PARPBP: variants seen among roughly 807,000 people sequenced by gnomAD.
PARPBP encodes PARP1 binding protein.
Under a neutral mutation model 50.0 loss-of-function variants are expected in PARPBP, and 52 were observed. That is an observed-to-expected ratio of 1.04 (90% CI 0.83 to 1.31). The LOEUF (loss-of-function observed/expected upper bound fraction) is 1.31, where lower values mean the gene tolerates loss of function less well. Ranked by LOEUF, PARPBP falls within the 50% of genes most tolerant of loss-of-function variation. The probability of loss-of-function intolerance (pLI) is 0.00; values close to 1 mark genes in which losing one functional copy is unlikely to be tolerated. For missense variants in PARPBP, 697 were observed against 672.0 expected (o/e 1.04, Z -0.41); for synonymous variants, 244 against 232.1 (o/e 1.05, Z -0.47).
intron 9 of PARPBP, among the ~76,000 whole-genome samples, chr12:102,183,304 A>G (rs988165748): frequency 6.6e-6 from 1 of 152,168 alleles, no homozygotes; most frequent in African/African-American, 2.4e-5. Context: ...AGATTTTTAT[A>G]TAAAATTTAT....
chr12:102,121,636 T>G (rs1881121040), intron 1 of PARPBP, among the ~76,000 whole-genome samples: 1 of 146,962 alleles, frequency 6.8e-6, no homozygotes, highest in East Asian at 2.1e-4. Flanking sequence ...TCACTGCAAC[T>G]TCCGCCTCCC....
At chr12:102,142,493 C>T (rs774426197) in intron 2 of PARPBP, among the ~76,000 whole-genome samples, 9 of 152,204 alleles carry the variant, frequency 5.9e-5, no homozygotes, top group African/African-American at 1.7e-4. Flanking sequence ...TCTCTCAACT[C>T]GTCAAAGTCA....
At position 102,165,812 on chromosome 12, in the gene PARPBP, A is replaced by G. The variant is rs1326477633; in HGVS notation, c.750A>G (p.Val250=). 7 of 1,589,604 alleles carry G rather than the reference A, an allele frequency of 4.4e-6. No individual in the cohort carries two copies. The highest frequency in any genetic ancestry group is 5.2e-6 in the Non-Finnish European group (6 of 1,158,200). The part of the protein sequence containing the change: ...PPPSDPLRTH[V]KGLSNFINFI... Reference sequence around the variant, plus strand: ...CATCAGATCCTTTAAGGACACATGTAAAGGGATTGTCTAATTTTATTAATT... The same window carrying G: ...CATCAGATCCTTTAAGGACACATGTGAAGGGATTGTCTAATTTTATTAATT... Residue 250 remains valine (V), a synonymous_variant, in exon 6 of 11, where the codon GTA becomes GTG. Transcript: ENST00000327680.
intron 2 of PARPBP, among the ~76,000 whole-genome samples, chr12:102,125,959 C>G (rs970193900): frequency 1.3e-5 from 2 of 152,158 alleles, no homozygotes; most frequent in Non-Finnish European, 2.9e-5. Flanking sequence ...TTATTCTCCC[C>G]TACCTCAACA....
intron 6 of PARPBP, among the ~76,000 whole-genome samples, chr12:102,168,391 T>C (rs972665815): frequency 6.6e-6 from 1 of 152,152 alleles, no homozygotes; most frequent in Non-Finnish European, 1.5e-5. Context: ...AATAAGGAAG[T>C]ATCTTCTAGA....
At chr12:102,139,726 A>T (rs1024893576) in intron 2 of PARPBP, among the ~76,000 whole-genome samples, 1 of 152,204 alleles carries the variant, frequency 6.6e-6, no homozygotes, top group Admixed American at 6.5e-5. Context: ...CCTTTTCTGC[A>T]TCTGTTGAGA....
At chr12:102,133,782 A>G (rs1348720798) in intron 2 of PARPBP, among the ~76,000 whole-genome samples, 1 of 152,188 alleles carries the variant, frequency 6.6e-6, no homozygotes. Flanking sequence ...TTGAAATCAT[A>G]CTGAGTATCT....
chr12:102,140,270 T>C (rs1007684416), intron 2 of PARPBP, among the ~76,000 whole-genome samples: 2 of 152,246 alleles, frequency 1.3e-5, no homozygotes, highest in African/African-American at 2.4e-5. Flanking sequence ...TTCATTTGCA[T>C]AGAGGTGTTT....
intron 8 of PARPBP, among the ~76,000 whole-genome samples, chr12:102,181,070 G>T (rs1399655041): frequency 2.0e-5 from 3 of 152,032 alleles, no homozygotes; most frequent in Non-Finnish European, 4.4e-5. Context: ...TACCTTCTCT[G>T]ACCCTCCTAT....
intron 2 of PARPBP, among the ~76,000 whole-genome samples, chr12:102,146,618 A>G (rs1885393110): frequency 6.6e-6 from 1 of 152,236 alleles, no homozygotes; most frequent in Non-Finnish European, 1.5e-5. Flanking sequence ...AAAACCCTAG[A>G]AGAAAACCTA....
intron 3 of PARPBP, among the ~76,000 whole-genome samples, chr12:102,152,689 G>A (rs1015290765): frequency 1.3e-5 from 2 of 151,842 alleles, no homozygotes; most frequent in African/African-American, 4.8e-5. Context: ...TAAAAAAGCA[G>A]ACTTTCCTTT....
At position 102,151,589 on chromosome 12, in the gene PARPBP, C is replaced by G. The variant is rs747919186; in HGVS notation, c.388-2280C>G. On this transcript the variant is annotated intron_variant, in intron 3 of 10. Transcript: ENST00000327680. ...TGGCAGGGGTCAACTATACAGCCACCTTCAGAAAGAGGAAGCTTGCTGCTG... is the reference window on the plus strand; with the variant it reads ...TGGCAGGGGTCAACTATACAGCCACGTTCAGAAAGAGGAAGCTTGCTGCTG... 2.5e-5 allele frequency: 38 copies of G among 1,535,472 alleles called. No homozygotes were observed. The African/African-American group carries it at 5.1e-4, about 20-fold the overall frequency.
At position 102,176,746 on chromosome 12, in the gene PARPBP, G is replaced by A. The variant is rs191713346; in HGVS notation, c.1005+1080G>A. Among the ~76,000 whole-genome samples the A allele has an allele frequency of 5.5e-4, 83 of 152,124 alleles. 1 individual carries two copies. Among genetic ancestry groups the A allele is most frequent in the Admixed American group, 5.9e-4 (9 of 15,284 alleles). On this transcript the variant is annotated intron_variant, in intron 7 of 10. Transcript: ENST00000327680. ...AATTTTTATTATTTATCATTCATTCGTTCATTCATTTACTCACAGCACTCT... is the reference window on the plus strand; with the variant it reads ...AATTTTTATTATTTATCATTCATTCATTCATTCATTTACTCACAGCACTCT...
In PARPBP at chr12:102,196,789, C is replaced by G. The variant is rs1891349667; in HGVS notation, c.*498C>G. 8.4e-7 allele frequency: 1 copy of G among 1,183,634 alleles called. No individual in the cohort carries two copies. The highest frequency in any genetic ancestry group is 1.8e-5 in the Admixed American group (1 of 54,282). 73.3% of individuals were successfully genotyped at this position (1,183,634 alleles called of 1,614,324 possible). ...GAAAAAAAGAATGGATCTAGTATAA[C>G]TAATTCTGAGTAAACCAAAATGATA... On this transcript the variant is annotated 3_prime_UTR_variant, in exon 11 of 11. Transcript: ENST00000327680.
Position 102,178,787 on chromosome 12 carries a change from T to TTATA in PARPBP, c.1184+19_1184+22dup. On this transcript the variant is annotated intron_variant, in intron 8 of 10. Transcript: ENST00000327680. ...ACTTTTTAGGTAAGTTATGTGGAAG[T>TTATA]TATATGTGTTATAAATGTTAACTCT... 6.7e-7 allele frequency: 1 copy of TTATA among 1,500,162 alleles called. No homozygotes were observed. Among genetic ancestry groups the TTATA allele is most frequent in the Non-Finnish European group, 9.1e-7 (1 of 1,100,472 alleles). 92.9% of individuals were successfully genotyped at this position (1,500,162 alleles called of 1,614,324 possible).
At chr12:102,128,874 A>AC (rs1366555709) in intron 2 of PARPBP, among the ~76,000 whole-genome samples, 1 of 152,032 alleles carries the variant, frequency 6.6e-6, no homozygotes, top group East Asian at 1.9e-4. Flanking sequence ...TGGTAGTTTT[A>AC]TTTTTTGAGA....
intron 9 of PARPBP, among the ~76,000 whole-genome samples, chr12:102,189,060 G>A (rs767131413): frequency 4.6e-5 from 7 of 152,102 alleles, no homozygotes; most frequent in Non-Finnish European, 8.8e-5. Context: ...AATGTCTAAC[G>A]TATGCCTAAT....
intron 9 of PARPBP, among the ~76,000 whole-genome samples, chr12:102,190,686 G>C (rs1320627005): frequency 6.6e-6 from 1 of 152,132 alleles, no homozygotes; most frequent in Non-Finnish European, 1.5e-5. Flanking sequence ...TCCTCACCCT[G>C]TAAGGAGGGG....
At chr12:102,143,110 G>A (rs921853337) in intron 2 of PARPBP, among the ~76,000 whole-genome samples, 7 of 152,262 alleles carry the variant, frequency 4.6e-5, no homozygotes, top group African/African-American at 9.6e-5. Flanking sequence ...AGAGGCAGGC[G>A]GGCCTCCTTG....
Sources: gnomAD v4.1 joint callset for allele counts (sites outside exome capture counted in the v4.1 genomes callset) on GRCh38, gnomAD v4.1.1 for gene constraint, MANE v1.5 for transcripts, NCBI Gene and HGNC (gene_info 2026-07-23, HGNC 2026-07-21) for gene names.